The following CALN1 variants were observed in gnomAD, a reference collection of about 807,000 sequenced individuals.
CALN1 encodes the protein calneuron 1, also known as calcium-binding protein 8.
A neutral mutation model predicts 30.6 loss-of-function variants in CALN1; 17 were observed. The ratio of observed to expected loss-of-function variants is 0.56; its 90% CI spans 0.38 to 0.83. The LOEUF (loss-of-function observed/expected upper bound fraction) is 0.83. CALN1 is among the 40% of genes least tolerant of loss of function. The probability of loss-of-function intolerance (pLI) is 0.00; values close to 1 mark genes in which losing one functional copy is unlikely to be tolerated. For missense variants in CALN1, 291 were observed against 354.9 expected (o/e 0.82, Z 1.45); for synonymous variants, 156 against 131.4 (o/e 1.19, Z -1.28).
chr7:71,938,559 G>A (rs1207517362), intron 5 of CALN1, among the ~76,000 whole-genome samples: 1 of 152,126 alleles, frequency 6.6e-6, no homozygotes, highest in Non-Finnish European at 1.5e-5. Flanking sequence ...CATTTTGGGA[G>A]GCTGAGGTGG....
chr7:72,124,182 G>T (rs1207600164), intron 3 of CALN1, among the ~76,000 whole-genome samples: 1 of 152,048 alleles, frequency 6.6e-6, no homozygotes, highest in Non-Finnish European at 1.5e-5. Context: ...TCATGTCCGT[G>T]TGGATTTGGG....
At chr7:72,062,443 T>C (rs1584862306) in intron 4 of CALN1, among the ~76,000 whole-genome samples, 1 of 138,088 alleles carries the variant, frequency 7.2e-6, no homozygotes, top group African/African-American at 2.8e-5. Flanking sequence ...ACCAGGGAAG[T>C]GGAGGTTGCA....
chr7:72,100,131 TA>T (rs1806543965), intron 4 of CALN1, among the ~76,000 whole-genome samples: 1 of 147,288 alleles, frequency 6.8e-6, no homozygotes. Flanking sequence ...CGAAGACGCT[TA>T]AATCTTTTTT....
intron 6 of CALN1, among the ~76,000 whole-genome samples, chr7:71,797,399 C>T (rs893846530): frequency 6.6e-6 from 1 of 152,088 alleles, no homozygotes; most frequent in Non-Finnish European, 1.5e-5. Context: ...ATGAAATTGG[C>T]TATTTATGCA....
chr7:72,222,240 AAAAAG>A (rs372385338), intron 3 of CALN1, among the ~76,000 whole-genome samples: 71 of 152,272 alleles, frequency 4.7e-4, no homozygotes, highest in African/African-American at 1.7e-3. Flanking sequence ...AAAGAAAAAA[AAAAAG>A]AAAGAAAGAA....
At chr7:72,244,619 G>A (rs527327497) in intron 3 of CALN1, among the ~76,000 whole-genome samples, 4 of 150,596 alleles carry the variant, frequency 2.7e-5, no homozygotes, top group African/African-American at 9.8e-5. Context: ...TCATCTAGCT[G>A]TAGGGTGATT....
chr7:71,869,933 G>T (rs1253234198), intron 5 of CALN1, among the ~76,000 whole-genome samples: 4 of 152,070 alleles, frequency 2.6e-5, no homozygotes, highest in Non-Finnish European at 5.9e-5. Flanking sequence ...GATTCCTCAG[G>T]TTTCCTGGAA....
At chr7:72,146,618 CTTTAAAGT>C (rs1786755252) in intron 3 of CALN1, among the ~76,000 whole-genome samples, 1 of 152,310 alleles carries the variant, frequency 6.6e-6, no homozygotes, top group Admixed American at 6.5e-5. Context: ...AAAAAAACTA[CTTTAAAGT>C]TCATATGGAA....
At chr7:72,058,750 C>T (rs1803448791) in intron 4 of CALN1, among the ~76,000 whole-genome samples, 1 of 152,134 alleles carries the variant, frequency 6.6e-6, no homozygotes, top group Non-Finnish European at 1.5e-5. Context: ...TCACAAAGCT[C>T]TCTATGAAAA....
At chr7:72,260,838 T>C (rs1796219896) in intron 3 of CALN1, among the ~76,000 whole-genome samples, 1 of 152,072 alleles carries the variant, frequency 6.6e-6, no homozygotes, top group African/African-American at 2.4e-5. Context: ...GCCCTACAAA[T>C]TGCACAGGGG....
intron 1 of CALN1, among the ~76,000 whole-genome samples, chr7:72,405,153 C>G (rs1462127220): frequency 6.6e-6 from 1 of 152,150 alleles, no homozygotes; most frequent in Non-Finnish European, 1.5e-5. Context: ...TGCGATTGGG[C>G]CGGCACTTCC....
At chr7:72,480,205 T>C in the CALN1 span, among the ~76,000 whole-genome samples, 1 of 152,252 alleles carries the variant, frequency 6.6e-6, no homozygotes, top group African/African-American at 2.4e-5. Flanking sequence ...CTTTATCAGA[T>C]TGAGAACATT....
chr7:71,885,061 C>A (rs1422974216), intron 5 of CALN1, among the ~76,000 whole-genome samples: 2 of 152,198 alleles, frequency 1.3e-5, no homozygotes, highest in African/African-American at 4.8e-5. Context: ...AATTGTCAAC[C>A]AGAAAATGTC....
chr7:71,912,283 C>T (rs1794465469), intron 5 of CALN1, among the ~76,000 whole-genome samples: 1 of 151,968 alleles, frequency 6.6e-6, no homozygotes, highest in African/African-American at 2.4e-5. Context: ...TGCCAGAGCC[C>T]TTGTTCAGTT....
At chr7:71,941,635 G>GT (rs545092736) in intron 5 of CALN1, among the ~76,000 whole-genome samples, 204 of 152,246 alleles carry the variant, frequency 1.3e-3, no homozygotes, top group African/African-American at 4.5e-3. Context: ...CATCAAATTG[G>GT]TAAAAATTAT....
At chr7:72,225,458 G>A (rs1450740189) in intron 3 of CALN1, among the ~76,000 whole-genome samples, 4 of 152,164 alleles carry the variant, frequency 2.6e-5, no homozygotes, top group African/African-American at 9.6e-5. Flanking sequence ...AGGGCTTTCC[G>A]CCGTGTTGGT....
chr7:72,494,848 CAGAG>C, the CALN1 span, among the ~76,000 whole-genome samples: 1 of 151,854 alleles, frequency 6.6e-6, no homozygotes. Context: ...GCCTGGGGGA[CAGAG>C]AAAGACCCTG....
intron 2 of CALN1, among the ~76,000 whole-genome samples, chr7:72,310,579 C>T (rs917111946): frequency 6.6e-6 from 1 of 151,832 alleles, no homozygotes; most frequent in African/African-American, 2.4e-5. Context: ...TGGCGGTGGA[C>T]ACTTGATGCA....
chr7:72,301,424 A>G (rs1010021597), intron 2 of CALN1, among the ~76,000 whole-genome samples: 82 of 152,088 alleles, frequency 5.4e-4, no homozygotes, highest in African/African-American at 1.9e-3. Flanking sequence ...CCTAGCCAAC[A>G]TGGTGAAACC....
Sources: gnomAD v4.1 joint callset for allele counts (sites outside exome capture counted in the v4.1 genomes callset) on GRCh38, gnomAD v4.1.1 for gene constraint, MANE v1.5 for transcripts, NCBI Gene and HGNC (gene_info 2026-07-23, HGNC 2026-07-21) for gene names.